ZEB2: variants seen among roughly 807,000 people sequenced by gnomAD.
The protein encoded by ZEB2 is zinc finger E-box-binding homeobox 2.
A neutral mutation model predicts 99.9 loss-of-function variants in ZEB2; 6 were observed. The ratio of observed to expected loss-of-function variants is 0.06; its 90% CI spans 0.03 to 0.12. The LOEUF (loss-of-function observed/expected upper bound fraction) is 0.12, where lower values mean the gene tolerates loss of function less well. Ranked by LOEUF, ZEB2 falls within the 10% of genes least tolerant of loss-of-function variation. ZEB2 has a pLI of 1.00. For missense variants in ZEB2, 969 were observed against 1,502.8 expected (o/e 0.64, Z 5.87); for synonymous variants, 517 against 542.5 (o/e 0.95, Z 0.65).
intron 2 of ZEB2, among the ~76,000 whole-genome samples, chr2:144,473,731 T>C (rs1311190015): frequency 2.0e-5 from 3 of 152,052 alleles, no homozygotes; most frequent in African/African-American, 7.2e-5. Context: ...AAATTGAACA[T>C]GTAGCGTGGA....
At chr2:144,425,381 C>A (rs957174973) in intron 3 of ZEB2, among the ~76,000 whole-genome samples, 1 of 152,180 alleles carries the variant, frequency 6.6e-6, no homozygotes, top group Admixed American at 6.5e-5. Flanking sequence ...TTGGAATGCC[C>A]AGTTTGTACA....
At chr2:144,442,135 A>G (rs555348520) in intron 2 of ZEB2, among the ~76,000 whole-genome samples, 1 of 152,310 alleles carries the variant, frequency 6.6e-6, no homozygotes, top group African/African-American at 2.4e-5. Flanking sequence ...TGTCTCTTGG[A>G]GGTGAAGACC....
intron 2 of ZEB2, chr2:144,463,678 A>G (rs969478179): frequency 1.3e-5 from 2 of 151,840 alleles, no homozygotes; most frequent in African/African-American, 4.8e-5. Context: ...AAAATAAAAA[A>G]AAAAATTATC....
At chr2:144,462,923 T>G (rs548065634) in intron 2 of ZEB2, 1 of 152,298 alleles carries the variant, frequency 6.6e-6, no homozygotes, top group African/African-American at 2.4e-5. Flanking sequence ...ATAGGAGTAT[T>G]GTATTAGCAC....
At chr2:144,489,074 G>A (rs1704640586) in intron 2 of ZEB2, among the ~76,000 whole-genome samples, 1 of 151,970 alleles carries the variant, frequency 6.6e-6, no homozygotes, top group Non-Finnish European at 1.5e-5. Flanking sequence ...GCTAACTATG[G>A]GTGTATTGTT....
intron 2 of ZEB2, chr2:144,482,371 A>C (rs1192159397): frequency 6.6e-6 from 1 of 152,068 alleles, no homozygotes; most frequent in Non-Finnish European, 1.5e-5. Context: ...TTTCCTTTTA[A>C]TATCATTTCT....
At chr2:144,442,611 G>T (rs1045845499) in intron 2 of ZEB2, among the ~76,000 whole-genome samples, 5 of 152,164 alleles carry the variant, frequency 3.3e-5, no homozygotes, top group East Asian at 1.9e-4. Context: ...GTAAAATAAA[G>T]ATTTAAGTGA....
Position 144,401,276 on chromosome 2 carries a change from C to T in ZEB2, c.839G>A (p.Arg280His), listed in dbSNP as rs2149877979. The change falls in exon 7 of 10, where the codon CGC (arginine) becomes CAC (histidine). Residue 280 changes from arginine to histidine, a missense_variant. Physicochemically the swap from Arg to His is conservative, Grantham distance 29 (BLOSUM62 0). Around this residue, in one of 8 missense-constraint regions of ZEB2, gnomAD observed 65 missense variants for 147.7 expected, o/e 0.44. Transcript: ENST00000627532. ...GCCACACTCTGTGCATTTGAACTTG[C>T]GATTACCTGCTCCTTGGGTTAGCAT... ...HQMLTQGAGNRKFKCTECGKA... is the reference protein window; with the variant it reads ...HQMLTQGAGNHKFKCTECGKA... The T allele has an allele frequency of 1.2e-6, 2 of 1,614,086 alleles. No individual in the cohort carries two copies. Among genetic ancestry groups the T allele is most frequent in the Non-Finnish European group, 1.7e-6 (2 of 1,179,970 alleles).
At chr2:144,518,008 C>T in intron 1 of ZEB2, 1 of 252,766 alleles carries the variant, frequency 4.0e-6, no homozygotes, top group Non-Finnish European at 7.6e-6. Context: ...CCACCCTCGC[C>T]CCCAAATTAA....
chr2:144,427,093 G>C (rs750247285), intron 3 of ZEB2: 7 of 152,128 alleles, frequency 4.6e-5, no homozygotes, highest in Non-Finnish European at 8.8e-5. Flanking sequence ...ACTTGTAAAA[G>C]TTTGCGTCTT....
intron 1 of ZEB2, chr2:144,517,902 G>C (rs184794877): frequency 6.7e-6 from 3 of 446,824 alleles, no homozygotes; most frequent in East Asian, 7.3e-5. Context: ...AAGCACACTC[G>C]GGCAAATTGA....
intron 7 of ZEB2, among the ~76,000 whole-genome samples, chr2:144,400,569 G>C (rs575724087): frequency 6.6e-6 from 1 of 152,318 alleles, no homozygotes; most frequent in African/African-American, 2.4e-5. Flanking sequence ...TCAGACTAAT[G>C]TGTGGTCAAT....
chr2:144,469,355 C>T (rs1307570903), intron 2 of ZEB2, among the ~76,000 whole-genome samples: 1 of 152,172 alleles, frequency 6.6e-6, no homozygotes, highest in East Asian at 1.9e-4. Context: ...AACTAACACA[C>T]TGCCTTCGTA....
chr2:144,475,888 T>C (rs758226420), intron 2 of ZEB2, among the ~76,000 whole-genome samples: 27 of 152,188 alleles, frequency 1.8e-4, no homozygotes, highest in Non-Finnish European at 3.5e-4. Flanking sequence ...TTTATTTAAC[T>C]CGCTTTCTCA....
At chr2:144,458,314 C>G (rs980438511) in intron 2 of ZEB2, among the ~76,000 whole-genome samples, 60 of 152,022 alleles carry the variant, frequency 3.9e-4, no homozygotes, top group African/African-American at 1.4e-3. Flanking sequence ...ACTGAAATAC[C>G]AACTCTGGAT....
At chr2:144,405,673 C>T (rs761614395) in intron 4 of ZEB2, among the ~76,000 whole-genome samples, 5 of 150,844 alleles carry the variant, frequency 3.3e-5, no homozygotes, top group Non-Finnish European at 7.4e-5. Context: ...TCTTTAGTTC[C>T]GTATTTTAAA....
At chr2:144,436,599 T>C (rs756329283) in intron 2 of ZEB2, among the ~76,000 whole-genome samples, 5 of 152,154 alleles carry the variant, frequency 3.3e-5, no homozygotes, top group African/African-American at 4.8e-5. Flanking sequence ...TCTGGAAATA[T>C]TAGCAGGTTC....
At chr2:144,423,332 C>A (rs1449249009) in intron 4 of ZEB2, among the ~76,000 whole-genome samples, 1 of 152,106 alleles carries the variant, frequency 6.6e-6, no homozygotes, top group African/African-American at 2.4e-5. Flanking sequence ...GAACTTGAAG[C>A]CATTTTTGAT....
At chr2:144,516,699 G>A (rs1705152110) in intron 2 of ZEB2, 1 of 151,650 alleles carries the variant, frequency 6.6e-6, no homozygotes, top group South Asian at 2.1e-4. Flanking sequence ...TCCCACCCCG[G>A]GGTCTGGGCG....
Sources: allele counts gnomAD v4.1 joint callset (sites outside exome capture counted in the v4.1 genomes callset), GRCh38; gene constraint gnomAD v4.1.1; regional missense constraint gnomAD v4.1.1; transcripts MANE v1.5; gene names NCBI Gene and HGNC (gene_info 2026-07-23, HGNC 2026-07-21).